Variants in TBC1D22A observed in about 807,000 individuals in gnomAD.
TBC1D22A encodes the protein putative GTPase activator.
TBC1D22A carries 38 observed loss-of-function variants against 60.2 expected under a neutral mutation model. That is an observed-to-expected ratio of 0.63 (90% CI 0.49 to 0.83). TBC1D22A has a LOEUF of 0.83. Ranked by LOEUF, TBC1D22A falls within the 40% of genes least tolerant of loss-of-function variation. The pLI, the probability that TBC1D22A is intolerant of heterozygous loss-of-function variation, is 0.00. For missense variants in TBC1D22A, 628 were observed against 701.0 expected (o/e 0.90, Z 1.18); for synonymous variants, 302 against 281.7 (o/e 1.07, Z -0.72).
At chr22:46,847,918 G>GGTGGGT (rs1555910896) in intron 4 of TBC1D22A, among the ~76,000 whole-genome samples, 10 of 134,138 alleles carry the variant, frequency 7.5e-5, no homozygotes, top group African/African-American at 3.2e-4. Flanking sequence ...TACCCTAGTG[G>GGTGGGT]GTGTGTGTGT....
At chr22:46,786,655 G>A (rs553641002) in intron 1 of TBC1D22A, among the ~76,000 whole-genome samples, 11 of 152,176 alleles carry the variant, frequency 7.2e-5, no homozygotes, top group South Asian at 2.1e-4. Flanking sequence ...TTCTTTGTGC[G>A]TAGTGTTTTG....
At chr22:46,846,517 A>G (rs545173303) in intron 4 of TBC1D22A, among the ~76,000 whole-genome samples, 3 of 152,300 alleles carry the variant, frequency 2.0e-5, no homozygotes, top group African/African-American at 4.8e-5. Flanking sequence ...GTTTTCCCCA[A>G]TGGGAATATC....
intron 5 of TBC1D22A, among the ~76,000 whole-genome samples, chr22:46,888,657 A>G (rs1369200207): frequency 6.6e-6 from 1 of 152,230 alleles, no homozygotes; most frequent in Non-Finnish European, 1.5e-5. Context: ...GGGATGAGAA[A>G]GACATGGCCA....
At chr22:47,033,608 C>T (rs1403981491) in intron 10 of TBC1D22A, among the ~76,000 whole-genome samples, 2 of 152,154 alleles carry the variant, frequency 1.3e-5, no homozygotes, top group African/African-American at 2.4e-5. Flanking sequence ...GTGATAAATG[C>T]TTCCATAGAG....
At chr22:46,910,773 G>A (rs976957739) in intron 7 of TBC1D22A, among the ~76,000 whole-genome samples, 46 of 152,008 alleles carry the variant, frequency 3.0e-4, no homozygotes, top group African/African-American at 9.7e-4. Flanking sequence ...CAGGGGAGTC[G>A]AGACCCAGGG....
intron 8 of TBC1D22A, chr22:46,915,853 G>C (rs1477704563): frequency 4.4e-6 from 2 of 454,068 alleles, no homozygotes; most frequent in Non-Finnish European, 8.9e-6. Flanking sequence ...GTCCTGAGTA[G>C]GAGCAGCTCT....
chr22:46,804,893 T>C (rs1003891658), intron 4 of TBC1D22A, among the ~76,000 whole-genome samples: 6 of 152,160 alleles, frequency 3.9e-5, no homozygotes, highest in Non-Finnish European at 8.8e-5. Flanking sequence ...CATGTTTGTC[T>C]TTTTTTTCTT....
In TBC1D22A at chr22:47,142,308, C is replaced by T. The variant is rs867007101; in HGVS notation, c.1425+30705C>T. Among the ~76,000 whole-genome samples the T allele has an allele frequency of 3.9e-3, 516 of 133,860 alleles. 9 individuals are homozygous for T. The highest frequency in any genetic ancestry group is 0.036 in the Middle Eastern group (9 of 252). 87.8% of individuals were successfully genotyped at this position (133,860 alleles called of 152,430 possible). A position where few individuals can be genotyped will look rare whatever the true frequency, so the allele number is the denominator to read the frequency against. On this transcript the variant is annotated intron_variant, in intron 12 of 12. Transcript: ENST00000337137. ...CCACCCACCCATTCTTCCATCCATCCATCCACCCACCCATCCATTCATTCA... is the reference window on the plus strand; with the variant it reads ...CCACCCACCCATTCTTCCATCCATCTATCCACCCACCCATCCATTCATTCA...
Position 47,170,607 on chromosome 22 carries a change from CTGGTGTGTAA to C in TBC1D22A, c.1426-2890_1426-2881del, listed in dbSNP as rs1440336313. 4.4e-3 allele frequency among the ~76,000 whole-genome samples: 670 copies of C among 151,470 alleles called. 14 individuals are homozygous for C. The highest frequency in any genetic ancestry group is 0.018 in the Middle Eastern group (5 of 282). On this transcript the variant is annotated intron_variant, in intron 12 of 12. Coordinates refer to ENST00000337137, the MANE Select transcript of TBC1D22A (RefSeq NM_014346.5). ...GCGAAATAGCAATTGGAAGACGGTC[CTGGTGTGTAA>C]CCCTCCTGATGCAGGACCGGAGAGA...
At chr22:46,780,934 GT>G (rs1045388779) in intron 1 of TBC1D22A, among the ~76,000 whole-genome samples, 1 of 152,128 alleles carries the variant, frequency 6.6e-6, no homozygotes, top group Non-Finnish European at 1.5e-5. Context: ...TTTGTTTATT[GT>G]TTTTTTAAAT....
chr22:47,097,157 A>ACATGAGTATGGGCGTGGCCCCGTG (rs1556202899), intron 11 of TBC1D22A, among the ~76,000 whole-genome samples: 1 of 152,222 alleles, frequency 6.6e-6, no homozygotes, highest in African/African-American at 2.4e-5. Flanking sequence ...CGTGGCCTCC[A>ACATGAGTATGGGCGTGGCCCCGTG]TTAGTCCCAC....
intron 4 of TBC1D22A, among the ~76,000 whole-genome samples, chr22:46,816,281 CAG>C (rs1569080314): frequency 6.6e-6 from 1 of 152,196 alleles, no homozygotes; most frequent in African/African-American, 2.4e-5. Flanking sequence ...GAGGGTATCA[CAG>C]GGGCGGGATT....
At chr22:46,956,181 C>G (rs909742383) in intron 8 of TBC1D22A, among the ~76,000 whole-genome samples, 1 of 152,080 alleles carries the variant, frequency 6.6e-6, no homozygotes, top group African/African-American at 2.4e-5. Context: ...AAGTCCTAAC[C>G]CCTAATACCA....
intron 12 of TBC1D22A, among the ~76,000 whole-genome samples, chr22:47,129,152 A>T (rs919140222): frequency 6.6e-6 from 1 of 152,200 alleles, no homozygotes; most frequent in Non-Finnish European, 1.5e-5. Flanking sequence ...CACATGTTCC[A>T]CTAATGATTC....
chr22:47,018,250 C>T (rs1224839940), intron 10 of TBC1D22A, among the ~76,000 whole-genome samples: 1 of 152,252 alleles, frequency 6.6e-6, no homozygotes, highest in Non-Finnish European at 1.5e-5. Flanking sequence ...TGTGTTTCGT[C>T]TGCAGCGGAG....
intron 8 of TBC1D22A, among the ~76,000 whole-genome samples, chr22:46,968,583 G>A (rs112075992): frequency 6.6e-6 from 1 of 151,440 alleles, no homozygotes; most frequent in South Asian, 2.1e-4. Context: ...CGTGGCCGGC[G>A]GTCCTGAGTG....
chr22:47,147,001 A>G (rs1314653258), intron 12 of TBC1D22A, among the ~76,000 whole-genome samples: 1 of 152,216 alleles, frequency 6.6e-6, no homozygotes, highest in Non-Finnish European at 1.5e-5. Flanking sequence ...TGGAGATTGC[A>G]CTGACATGGT....
At position 46,791,175 on chromosome 22, in the gene TBC1D22A, C is replaced by A. The variant is rs145658944; in HGVS notation, c.63-1345C>A. Among the ~76,000 whole-genome samples the A allele has an allele frequency of 2.4e-4, 37 of 152,312 alleles. 1 individual carries two copies. The highest frequency in any genetic ancestry group is 8.4e-4 in the African/African-American group (35 of 41,560). The stretch of plus-strand genomic sequence containing the variant: ...CTGGGACCACAGGCTTATGTCACCA[C>A]GCCCAGCCAATTTTTTTGTATTTTT... On this transcript the variant is annotated intron_variant, in intron 1 of 12. Transcript: ENST00000337137.
At chr22:47,094,420 T>G (rs2065093855) in intron 11 of TBC1D22A, among the ~76,000 whole-genome samples, 1 of 152,152 alleles carries the variant, frequency 6.6e-6, no homozygotes, top group Non-Finnish European at 1.5e-5. Context: ...AGACAGAGAC[T>G]GGCCTCTCCC....
Sources: gnomAD v4.1 joint callset for allele counts (sites outside exome capture counted in the v4.1 genomes callset) on GRCh38, gnomAD v4.1.1 for gene constraint, MANE v1.5 for transcripts, NCBI Gene and HGNC (gene_info 2026-07-23, HGNC 2026-07-21) for gene names.